SHC4: variants seen among roughly 807,000 people sequenced by gnomAD.
The protein encoded by SHC4 is SHC-transforming protein 4.
SHC4 carries 41 observed loss-of-function variants against 69.4 expected under a neutral mutation model. The ratio of observed to expected loss-of-function variants is 0.59; its 90% CI spans 0.46 to 0.77. The LOEUF is 0.77. Among genes scored for constraint, SHC4 ranks in the 30% least tolerant of loss-of-function variants. The pLI, the probability that SHC4 is intolerant of heterozygous loss-of-function variation, is 0.00. For missense variants in SHC4, 777 were observed against 783.8 expected, an observed-to-expected ratio of 0.99 and a Z score of 0.10; for synonymous variants, 318 against 299.3, an observed-to-expected ratio of 1.06 and a Z score of -0.64.
At chr15:48,953,046 G>C (rs2141040409) in intron 1 of SHC4, among the ~76,000 whole-genome samples, 1 of 152,320 alleles carries the variant, frequency 6.6e-6, no homozygotes, top group East Asian at 1.9e-4. Context: ...ACTGGATAAA[G>C]AAAATGTGGT....
chr15:48,907,652 A>G (rs1900429992), intron 2 of SHC4, among the ~76,000 whole-genome samples: 3 of 151,978 alleles, frequency 2.0e-5, no homozygotes, highest in South Asian at 2.1e-4. Flanking sequence ...CAGTGAGAAC[A>G]TACGATGTCT....
intron 2 of SHC4, among the ~76,000 whole-genome samples, chr15:48,911,341 A>C (rs7173735): frequency 0.041 from 6,265 of 151,940 alleles, 271 homozygotes; most frequent in East Asian, 0.23. Flanking sequence ...TCTTTTACTG[A>C]TGTTGCTTTA....
chr15:48,869,780 C>T (rs997498985), intron 5 of SHC4, among the ~76,000 whole-genome samples: 2 of 152,176 alleles, frequency 1.3e-5, no homozygotes, highest in Non-Finnish European at 2.9e-5. Flanking sequence ...TAGACAGGTG[C>T]TTTAACCAAC....
chr15:48,919,341 C>T (rs571412025), intron 2 of SHC4, among the ~76,000 whole-genome samples: 3 of 80,266 alleles, frequency 3.7e-5, no homozygotes, highest in East Asian at 5.9e-4. Flanking sequence ...TGCTCTGTCA[C>T]CTGGGCTGGA....
intron 2 of SHC4, among the ~76,000 whole-genome samples, chr15:48,891,058 T>G (rs1415814982): frequency 1.3e-5 from 2 of 152,206 alleles, no homozygotes; most frequent in African/African-American, 4.8e-5. Flanking sequence ...GCTTTTTTCA[T>G]CTCTGTTTTT....
intron 2 of SHC4, among the ~76,000 whole-genome samples, chr15:48,919,138 A>C (rs1456730962): frequency 6.6e-6 from 1 of 152,050 alleles, no homozygotes; most frequent in Admixed American, 6.6e-5. Context: ...TGGAATCTCC[A>C]GACTTCAAGT....
chr15:48,830,795 G>A (rs1898784660), intron 11 of SHC4, among the ~76,000 whole-genome samples: 1 of 152,142 alleles, frequency 6.6e-6, no homozygotes, highest in South Asian at 2.1e-4. Context: ...AACAAAGCAA[G>A]CAAACCGCCA....
intron 1 of SHC4, among the ~76,000 whole-genome samples, chr15:48,932,565 C>G (rs1567073262): frequency 6.6e-6 from 1 of 152,144 alleles, no homozygotes. Flanking sequence ...CTTCAAAATT[C>G]AGAACAACCC....
chr15:48,888,966 G>T (rs1322647925), intron 3 of SHC4, among the ~76,000 whole-genome samples: 1 of 149,426 alleles, frequency 6.7e-6, no homozygotes, highest in East Asian at 2.0e-4. Context: ...GAAAAGAAAA[G>T]AAAAAAGCCT....
At chr15:48,839,472 TC>T (rs1898954504) in intron 10 of SHC4, among the ~76,000 whole-genome samples, 1 of 148,942 alleles carries the variant, frequency 6.7e-6, no homozygotes, top group Non-Finnish European at 1.5e-5. Context: ...ATCATCTGGA[TC>T]CACAGATGAC....
intron 4 of SHC4, chr15:48,876,452 TACAC>T (rs34156861): frequency 1.9e-3 from 683 of 350,916 alleles, no homozygotes; most frequent in Middle Eastern, 6.9e-3. Flanking sequence ...CATATATATA[TACAC>T]ACACACACAC....
chr15:48,936,420 C>T (rs865997436), intron 1 of SHC4, among the ~76,000 whole-genome samples: 2 of 152,278 alleles, frequency 1.3e-5, no homozygotes, highest in South Asian at 4.1e-4. Context: ...GTGAGCAAAG[C>T]CTTTCACTTG....
chr15:48,931,039 G>A lies in SHC4; in HGVS notation c.586-6090C>T, dbSNP rs185129942. On this transcript the variant is annotated intron_variant, in intron 1 of 11. Transcript: ENST00000332408. The stretch of plus-strand genomic sequence containing the variant: ...CCTATTGGGGTCACCTACCGCTGTC[G>A]ACCTTTACTCAATCCCTTCATTTTC... Among the ~76,000 whole-genome samples, 47 of 152,220 alleles carry A rather than the reference G, an allele frequency of 3.1e-4. No homozygotes were observed. In the East Asian group the frequency reaches 8.5e-3, roughly 28 times the overall value.
In SHC4 at chr15:48,878,221, T is replaced by A. The variant is rs1356844340; in HGVS notation, c.840+6027A>T. 7 of 1,601,918 alleles carry A rather than the reference T, an allele frequency of 4.4e-6. 1 individual carries two copies. In the South Asian group the frequency reaches 7.9e-5, roughly 18 times the overall value. On this transcript the variant is annotated intron_variant, in intron 4 of 11. Coordinates refer to ENST00000332408, the MANE Select transcript of SHC4 (RefSeq NM_203349.4). ...TGTCCGAGCTGTATGAAGAGAGCAG[T>A]GACCTGCAGATGGATGTGATGCCTG... is the stretch of plus-strand genomic sequence containing the variant.
intron 4 of SHC4, chr15:48,878,655 C>G: frequency 6.2e-7 from 1 of 1,614,044 alleles, no homozygotes; most frequent in Non-Finnish European, 8.5e-7. Flanking sequence ...GATCAGTTAG[C>G]TTTTATCGAA....
chr15:48,835,731 C>T (rs1378880209), intron 10 of SHC4, among the ~76,000 whole-genome samples: 1 of 152,106 alleles, frequency 6.6e-6, no homozygotes, highest in Non-Finnish European at 1.5e-5. Context: ...TGGGAAGGGA[C>T]CTCCAGTTAG....
intron 9 of SHC4, among the ~76,000 whole-genome samples, chr15:48,845,706 TAC>T (rs1287650722): frequency 1.3e-5 from 2 of 152,166 alleles, no homozygotes; most frequent in African/African-American, 4.8e-5. Flanking sequence ...AGTGTAGATT[TAC>T]ATCTATTTTC....
At chr15:48,880,910 C>T (rs1159187949) in intron 4 of SHC4, among the ~76,000 whole-genome samples, 2 of 150,096 alleles carry the variant, frequency 1.3e-5, no homozygotes, top group African/African-American at 2.5e-5. Context: ...CTCTCTGGCT[C>T]ATGTCCTAAA....
intron 4 of SHC4, among the ~76,000 whole-genome samples, chr15:48,874,902 T>C (rs1344053764): frequency 1.3e-5 from 2 of 152,188 alleles, no homozygotes; most frequent in Non-Finnish European, 2.9e-5. Context: ...CATTATTTTA[T>C]TTACCACTCC....
Sources: gnomAD v4.1 joint callset for allele counts (sites outside exome capture counted in the v4.1 genomes callset) on GRCh38, gnomAD v4.1.1 for gene constraint, MANE v1.5 for transcripts, NCBI Gene and HGNC (gene_info 2026-07-23, HGNC 2026-07-21) for gene names.